The following USP36 variants were observed in gnomAD, a reference collection of about 807,000 sequenced individuals.
USP36 encodes the protein ubiquitin specific peptidase 36, also known as ubiquitin carboxyl-terminal hydrolase 36.
In USP36, 59 loss-of-function variants were observed where a neutral mutation model predicts 111.5. That is an observed-to-expected ratio of 0.53 (90% CI 0.43 to 0.66). The LOEUF (loss-of-function observed/expected upper bound fraction) is 0.66, where lower values mean the gene tolerates loss of function less well. USP36 is among the 30% of genes least tolerant of loss of function. The pLI is 0.00. For synonymous variants in USP36, 628 were observed against 581.0 expected, an observed-to-expected ratio of 1.08 and a Z score of -1.16; for missense variants, 1,488 against 1,468.0, an observed-to-expected ratio of 1.01 and a Z score of -0.22.
intron 13 of USP36, among the ~76,000 whole-genome samples, chr17:78,810,746 C>G (rs2094028958): frequency 6.6e-6 from 1 of 152,172 alleles, no homozygotes; most frequent in African/African-American, 2.4e-5. Context: ...CCCCTGCAGA[C>G]TGTGAAAGGC....
chr17:78,811,029 G>T (rs560913213), intron 13 of USP36, among the ~76,000 whole-genome samples: 3 of 150,352 alleles, frequency 2.0e-5, no homozygotes, highest in Non-Finnish European at 4.4e-5. Flanking sequence ...CAGGAGAATC[G>T]CTTGAACCCA....
chr17:78,799,296 A>C (rs562083288), intron 18 of USP36, among the ~76,000 whole-genome samples: 5 of 152,330 alleles, frequency 3.3e-5, no homozygotes, highest in African/African-American at 1.2e-4. Flanking sequence ...CTGAGGAACA[A>C]AGATGTCATG....
At chr17:78,840,694 G>C (rs2069212980) in intron 1 of USP36, 42 bp downstream of exon 1, 1 of 152,458 alleles carries the variant, frequency 6.6e-6, no homozygotes, top group Non-Finnish European at 1.5e-5. Flanking sequence ...CCCCGGTCTC[G>C]TCCCCAGGCC....
rs372564351 is a variant in USP36, at chr17:78,807,512, G to C, written c.1532C>G (p.Ser511Trp). Residue 511 changes from serine to tryptophan, a missense_variant, in exon 14 of 21, where the codon TCG (serine) becomes TGG (tryptophan). Coordinates refer to ENST00000449938, the MANE Select transcript of USP36 (RefSeq NM_001385174.1). ...QNGCIPPKLP[S>W]GSPSPKLSQT... The stretch of plus-strand genomic sequence containing the variant: ...GGAGAGTTTGGGGGAAGGGGACCCC[G>C]AGGGCAGCTTTGGAGGAATGCAGCC... The C allele has an allele frequency of 3.1e-6, 5 of 1,613,930 alleles. No individual in the cohort carries two copies. In the South Asian group the frequency reaches 5.5e-5, roughly 18 times the overall value.
intron 13 of USP36, among the ~76,000 whole-genome samples, chr17:78,811,642 G>T (rs1029146478): frequency 1.3e-5 from 2 of 152,118 alleles, no homozygotes; most frequent in Admixed American, 6.5e-5. Context: ...GGCTGAGGCG[G>T]GTGGATCAGG....
Position 78,813,645 on chromosome 17 carries a change from T to A in USP36, c.1265+128A>T, listed in dbSNP as rs74001266. ...TGTCCTTCCCTGTGGACGGTCTCTA[T>A]GACACATGACAAATCCCTCCAGTGG... is the stretch of plus-strand genomic sequence containing the variant. On this transcript the variant is annotated intron_variant, in intron 12 of 20. Coordinates refer to ENST00000449938, the MANE Select transcript of USP36 (RefSeq NM_001385174.1). 2.5e-3 allele frequency: 2,052 copies of A among 804,806 alleles called. 31 individuals carry two copies. The African/African-American group carries it at 0.031, about 12-fold the overall frequency. The allele number at this position is 804,806 out of a possible 1,614,324, so 49.9% of individuals were successfully genotyped here.
At chr17:78,815,099 C>T (rs150961543) in intron 10 of USP36, among the ~76,000 whole-genome samples, 90 of 152,118 alleles carry the variant, frequency 5.9e-4, no homozygotes, top group South Asian at 2.3e-3. Flanking sequence ...TTTGGGAGGC[C>T]GAGGCGGGTA....
At chr17:78,825,683 T>C (rs7226043) in intron 6 of USP36, among the ~76,000 whole-genome samples, 8,617 of 152,248 alleles carry the variant, frequency 0.057, 771 homozygotes, top group African/African-American at 0.19. Context: ...TCTTCCACCG[T>C]AGACTCTGGT....
chr17:78,808,002 C>T (rs896553141), intron 13 of USP36, among the ~76,000 whole-genome samples: 1 of 152,142 alleles, frequency 6.6e-6, no homozygotes, highest in Non-Finnish European at 1.5e-5. Flanking sequence ...TAGCACCTGG[C>T]CTGAATACAT....
intron 6 of USP36, among the ~76,000 whole-genome samples, chr17:78,825,241 G>A (rs1282799852): frequency 1.3e-5 from 2 of 152,066 alleles, no homozygotes; most frequent in Non-Finnish European, 2.9e-5. Flanking sequence ...CTATAATCAC[G>A]GAGAAAACAT....
intron 4 of USP36, among the ~76,000 whole-genome samples, chr17:78,830,892 T>G (rs1368430960): frequency 6.6e-6 from 1 of 151,832 alleles, no homozygotes; most frequent in Non-Finnish European, 1.5e-5. Context: ...ATGACAATAA[T>G]GATTGGTGAA....
intron 9 of USP36, among the ~76,000 whole-genome samples, chr17:78,819,604 C>T (rs1364732202): frequency 1.3e-5 from 2 of 152,256 alleles, no homozygotes; most frequent in African/African-American, 2.4e-5. Context: ...TCTGCCACGT[C>T]CTCTTGGTGT....
At chr17:78,827,127 A>G in intron 6 of USP36, 118 bp downstream of exon 6, 1 of 1,156,854 alleles carries the variant, frequency 8.6e-7, no homozygotes, top group Non-Finnish European at 1.2e-6. Context: ...TGCCACGTCT[A>G]CCCAAGGGCA....
chr17:78,819,870 G>A (rs756409611), intron 9 of USP36, 60 bp downstream of exon 9: 6 of 1,558,426 alleles, frequency 3.9e-6, no homozygotes, highest in South Asian at 2.2e-5. Flanking sequence ...ACACTGTCAG[G>A]TGAGGGGACT....
chr17:78,820,328 T>C (rs2094289250), intron 8 of USP36, among the ~76,000 whole-genome samples: 2 of 152,100 alleles, frequency 1.3e-5, no homozygotes, highest in African/African-American at 4.8e-5. Flanking sequence ...ATTTAAAAAA[T>C]TAGCCAGGCG....
rs755339117 is a variant in USP36 at position 78,836,067 on chromosome 17, C to A, written c.253+44G>T. On this transcript the variant is annotated intron_variant, in intron 3 of 20. Coordinates refer to ENST00000449938, the MANE Select transcript of USP36 (RefSeq NM_001385174.1). The stretch of plus-strand genomic sequence containing the variant: ...ATATTTAAGTCCATCCACTTCGTCA[C>A]CCCGGAGTGAGGGCCTCTCTGCCAG... 1.3e-5 allele frequency: 21 copies of A among 1,601,140 alleles called. No individual in the cohort carries two copies. The East Asian group carries it at 4.7e-4, about 36-fold the overall frequency.
At chr17:78,793,512 CA>C (rs1188109563), downstream of USP36, among the ~76,000 whole-genome samples, 3 of 152,164 alleles carry the variant, frequency 2.0e-5, no homozygotes, top group Non-Finnish European at 4.4e-5. Flanking sequence ...GCGGGATCTG[CA>C]CGAAGCAGCA....
chr17:78,806,136 G>A lies in USP36; in HGVS notation c.2216+20C>T, dbSNP rs1465989362. The A allele has an allele frequency of 1.9e-6, 3 of 1,612,382 alleles. No individual in the cohort carries two copies. In the East Asian group the frequency reaches 6.7e-5, roughly 36 times the overall value. ...AGGGAGAACCAGTTGGCACCCAGAA[G>A]ATCCCGGCCCAAAGCTTACCTGGCT... On this transcript the variant is annotated intron_variant, in intron 15 of 20. Coordinates refer to ENST00000449938, the MANE Select transcript of USP36 (RefSeq NM_001385174.1).
chr17:78,813,959 T>C (rs2145249270), intron 11 of USP36, 86 bp from the exon 12 acceptor site: 1 of 1,126,748 alleles, frequency 8.9e-7, no homozygotes, highest in East Asian at 2.5e-5. Flanking sequence ...ATAAAAAATC[T>C]GTTAGTTGCT....
Sources: allele counts gnomAD v4.1 joint callset (sites outside exome capture counted in the v4.1 genomes callset), GRCh38; gene constraint gnomAD v4.1.1; transcripts MANE v1.5; gene names NCBI Gene and HGNC (gene_info 2026-07-23, HGNC 2026-07-21).